The following MSLN variants were observed in gnomAD, a reference collection of about 807,000 sequenced individuals.
The protein encoded by MSLN is CAK1 antigen.
A neutral mutation model predicts 72.6 loss-of-function variants in MSLN; 82 were observed. The observed-to-expected ratio is 1.13, with a 90% CI of 0.94 to 1.36. MSLN has a LOEUF of 1.36. Among genes scored for constraint, MSLN ranks in the 40% most tolerant of loss-of-function variants. The pLI is 0.00. For missense variants in MSLN, 1,005 were observed against 847.9 expected (o/e 1.19, Z -2.30); for synonymous variants, 456 against 387.3 (o/e 1.18, Z -2.08).
At chr16:761,917 G>A (rs1248309220) in intron 2 of MSLN, among the ~76,000 whole-genome samples, 1 of 152,250 alleles carries the variant, frequency 6.6e-6, no homozygotes, top group Non-Finnish European at 1.5e-5. Flanking sequence ...CCTGAAAGGG[G>A]TGAGTGTAGA....
intron 2 of MSLN, 91 bp from the exon 3 acceptor site, chr16:762,581 C>T: frequency 1.1e-6 from 1 of 947,436 alleles, no homozygotes; most frequent in Non-Finnish European, 1.7e-6. Context: ...CTCTGGGAGC[C>T]CCTCCTGGGC....
chr16:763,413 C>A, intron 4 of MSLN, 137 bp downstream of exon 4: 1 of 883,768 alleles, frequency 1.1e-6, no homozygotes, highest in Non-Finnish European at 1.8e-6. Context: ...CCTGGACCTG[C>A]ATGTGACTGG....
At chr16:760,888 A>T (rs982358157) in intron 1 of MSLN, 67 bp downstream of exon 1, 2 of 152,238 alleles carry the variant, frequency 1.3e-5, no homozygotes, top group Non-Finnish European at 2.9e-5. Context: ...GGGAGGGGCC[A>T]CTCGGGACCT....
chr16:760,939 C>G (rs1021022771), intron 1 of MSLN, 118 bp downstream of exon 1: 1 of 152,296 alleles, frequency 6.6e-6, no homozygotes, highest in Admixed American at 6.5e-5. Context: ...GTAAAGCTCC[C>G]TACCCAACTG....
intron 9 of MSLN, 24 bp from the exon 10 acceptor site, chr16:765,503 G>A (rs1406215433): frequency 1.3e-6 from 2 of 1,590,058 alleles, no homozygotes; most frequent in Non-Finnish European, 1.7e-6. Context: ...GGGGGTCCCT[G>A]AGCTGTGTCC....
chr16:768,642 C>A lies in MSLN; in HGVS notation c.1784-6C>A. The A allele has an allele frequency of 6.2e-7, 1 of 1,611,242 alleles. No homozygotes were observed. The highest frequency in any genetic ancestry group is 1.1e-5 in the South Asian group (1 of 91,070). ...TGGGCGCTCTGAGTCACCCCTCTCT[C>A]TGTAGAGGCCCTCTCGGGGACGCCC... On this transcript the variant is annotated splice_polypyrimidine_tract_variant and splice_region_variant and intron_variant, in intron 17 of 17. Coordinates refer to ENST00000545450, the MANE Select transcript of MSLN (RefSeq NM_005823.6).
Position 768,422 on chromosome 16 carries a change from T to TGGAGGGCCTGAAGGC in MSLN, c.1646_1660dup (p.Gly549_Glu553dup). 6.6e-7 allele frequency: 1 copy of TGGAGGGCCTGAAGGC among 1,515,672 alleles called. No homozygotes were observed. The highest frequency in any genetic ancestry group is 1.3e-5 in the South Asian group (1 of 77,190). The allele number at this position is 1,515,672 out of a possible 1,614,324, so 93.9% of individuals were successfully genotyped here. A position where few individuals can be genotyped will look rare whatever the true frequency, so the allele number is the denominator to read the frequency against. ...GTGCAGAAACTTCTGGGACCCCACGTGGAGGGCCTGAAGGCGGAGGAGCGG... is the reference window on the plus strand; with the variant it reads ...GTGCAGAAACTTCTGGGACCCCACGTGGAGGGCCTGAAGGCGGAGGGCCTGAAGGCGGAGGAGCGG... On this transcript the variant is annotated inframe_insertion, in exon 17 of 18. Transcript: ENST00000545450.
chr16:761,997 C>A (rs968439462), intron 2 of MSLN, among the ~76,000 whole-genome samples: 17 of 152,210 alleles, frequency 1.1e-4, no homozygotes, highest in African/African-American at 3.4e-4. Context: ...GAGGGTCTCC[C>A]CACCCACTTC....
At chr16:761,604 C>T (rs988487592) in intron 2 of MSLN, among the ~76,000 whole-genome samples, 2 of 150,422 alleles carry the variant, frequency 1.3e-5, no homozygotes, top group Non-Finnish European at 2.9e-5. Flanking sequence ...GCTGGGGGTC[C>T]CACTCACTGC....
In MSLN at chr16:762,695, G is replaced by A. The variant is rs530060774; in HGVS notation, c.15G>A (p.Thr5=). MALP[T]ARPLLGSCGT... is the part of the protein sequence containing the mutation. ...AGACACAGACCATGGCCTTGCCAAC[G>A]GCTCGACCCCTGTTGGGGTCCTGTG... The change falls in exon 3 of 18, where the codon ACG becomes ACA. Residue 5 remains threonine, a synonymous_variant. Transcript: ENST00000545450. The A allele has an allele frequency of 1.7e-5, 28 of 1,611,778 alleles. No individual in the cohort carries two copies. In the African/African-American group the frequency reaches 1.9e-4, roughly 11 times the overall value.
rs74953641 is a variant in MSLN, at chr16:768,698, G to C, written c.1834G>C (p.Val612Leu). ...CLLGPGPVLT[V>L]LALLLASTLA ...CCTAGGACCTGGACCTGTTCTCACC[G>C]TCCTGGCACTGCTCCTAGCCTCCAC... Residue 612 changes from valine (V) to leucine (L), a missense_variant, in exon 18 of 18, where the codon GTC becomes CTC. Transcript: ENST00000545450. 1 of 1,610,850 alleles carries C rather than the reference G, an allele frequency of 6.2e-7. No individual in the cohort carries two copies. Among genetic ancestry groups the C allele is most frequent in the African/African-American group, 1.3e-5 (1 of 74,828 alleles).
chr16:763,917 C>A, intron 5 of MSLN, 106 bp from the exon 6 acceptor site: 1 of 1,493,510 alleles, frequency 6.7e-7, no homozygotes, highest in Non-Finnish European at 9.0e-7. Context: ...CTGCAGGGAG[C>A]ACCAGGGTCC....
chr16:763,568 G>T, intron 4 of MSLN, 74 bp from the exon 5 acceptor site: 1 of 1,445,188 alleles, frequency 6.9e-7, no homozygotes, highest in Non-Finnish European at 9.4e-7. Context: ...ACCTGGCCCA[G>T]GGGTAGCGGG....
chr16:766,785 AG>A lies in MSLN; in HGVS notation c.1349del (p.Ser450ThrfsTer38), dbSNP rs1329000264. On this transcript the variant is annotated frameshift_variant, in exon 14 of 18. Coordinates refer to ENST00000545450, the MANE Select transcript of MSLN (RefSeq NM_005823.6). LOFTEE classifies it high-confidence loss of function. ...YLCSLSPEEL[S>X]SVPPSSIWAV... ...GTGCTCCCTCAGCCCCGAGGAGCTG[AG>A]CTCCGTGCCCCCCAGCAGCATCTGG... is the stretch of plus-strand genomic sequence containing the variant. 3.7e-6 allele frequency: 6 copies of A among 1,612,382 alleles called. No homozygotes were observed. The highest frequency in any genetic ancestry group is 5.1e-6 in the Non-Finnish European group (6 of 1,179,874).
intron 4 of MSLN, 73 bp from the exon 5 acceptor site, chr16:763,569 G>A (rs1263225109): frequency 6.9e-7 from 1 of 1,449,522 alleles, no homozygotes; most frequent in Non-Finnish European, 9.4e-7. Flanking sequence ...CCTGGCCCAG[G>A]GGTAGCGGGA....
intron 2 of MSLN, among the ~76,000 whole-genome samples, chr16:761,564 G>A (rs2041537080): frequency 6.6e-6 from 1 of 152,200 alleles, no homozygotes; most frequent in Non-Finnish European, 1.5e-5. Flanking sequence ...CGATGGCCAC[G>A]TTTCCCTCCT....
rs760794115 is a variant in MSLN at position 766,879 on chromosome 16, C to T, written c.1374-6C>T. 3 of 1,612,332 alleles carry T rather than the reference C, an allele frequency of 1.9e-6. No individual in the cohort carries two copies. The African/African-American group carries it at 4.0e-5, about 22-fold the overall frequency. ...GGCGCTCACTGTCCACCCACCGTGTCCCCAGGGCGGTCAGGCCCCAGGACC... is the reference window on the plus strand; with the variant it reads ...GGCGCTCACTGTCCACCCACCGTGTTCCCAGGGCGGTCAGGCCCCAGGACC... On this transcript the variant is annotated splice_polypyrimidine_tract_variant and splice_region_variant and intron_variant, in intron 14 of 17. Coordinates refer to ENST00000545450, the MANE Select transcript of MSLN (RefSeq NM_005823.6).
At position 765,535 on chromosome 16, in the gene MSLN, C is replaced by G; in HGVS notation, c.713C>G (p.Ser238Trp). 1 of 1,605,612 alleles carries G rather than the reference C, an allele frequency of 6.2e-7. No homozygotes were observed. The highest frequency in any genetic ancestry group is 8.5e-7 in the Non-Finnish European group (1 of 1,178,686). Reference sequence around the variant, plus strand: ...GTCCCGTGTCTGCACAGCCCCCCGTCGACATGGTCTGTCTCCACGATGGAC... The same window carrying G: ...GTCCCGTGTCTGCACAGCCCCCCGTGGACATGGTCTGTCTCCACGATGGAC... ...QGGGPPYGPP[S>W]TWSVSTMDAL... Residue 238 changes from serine to tryptophan, a missense_variant, in exon 10 of 18, where the codon TCG (serine) becomes TGG (tryptophan). Transcript: ENST00000545450.
rs377287537 is a variant in MSLN at position 766,887 on chromosome 16, C to T, written c.1376C>T (p.Ala459Val). The stretch of plus-strand genomic sequence containing the variant: ...CTGTCCACCCACCGTGTCCCCAGGG[C>T]GGTCAGGCCCCAGGACCTGGACACG... Reference protein sequence around the residue: ...LSSVPPSSIWAVRPQDLDTCD... With the variant: ...LSSVPPSSIWVVRPQDLDTCD... The change falls in exon 15 of 18, where the codon GCG becomes GTG. Residue 459 changes from alanine to valine, a missense_variant and splice_region_variant. Transcript: ENST00000545450. 5.0e-5 allele frequency: 81 copies of T among 1,612,458 alleles called. No homozygotes were observed. Among genetic ancestry groups the T allele is most frequent in the African/African-American group, 2.4e-4 (18 of 75,034 alleles).
Sources: allele counts gnomAD v4.1 joint callset (sites outside exome capture counted in the v4.1 genomes callset), GRCh38; gene constraint gnomAD v4.1.1; transcripts MANE v1.5; gene names NCBI Gene and HGNC (gene_info 2026-07-23, HGNC 2026-07-21).